The following ATXN1 variants were observed in gnomAD, a reference collection of about 807,000 sequenced individuals.
The protein encoded by ATXN1 is ataxin-1.
Under a neutral mutation model 56.4 loss-of-function variants are expected in ATXN1, and 8 were observed. That is an observed-to-expected ratio of 0.14 (90% CI 0.08 to 0.26). The LOEUF (loss-of-function observed/expected upper bound fraction) is 0.26. Among genes scored for constraint, ATXN1 ranks in the 10% least tolerant of loss-of-function variants. The pLI is 1.00. For missense variants in ATXN1, 987 were observed against 1,106.5 expected (o/e 0.89, Z 1.53); for synonymous variants, 514 against 494.6 (o/e 1.04, Z -0.52).
chr6:16,489,191 C>G (rs1760609019), intron 5 of ATXN1, among the ~76,000 whole-genome samples: 1 of 152,208 alleles, frequency 6.6e-6, no homozygotes, highest in African/African-American at 2.4e-5. Context: ...TTGCCATGCC[C>G]TTCTTTTGCA....
intron 6 of ATXN1, among the ~76,000 whole-genome samples, chr6:16,453,378 T>C (rs1759794587): frequency 6.6e-6 from 1 of 152,102 alleles, no homozygotes; most frequent in Non-Finnish European, 1.5e-5. Context: ...GGAGAATCGC[T>C]TGAACCCGGG....
At chr6:16,717,962 T>G (rs1759671962) in intron 2 of ATXN1, among the ~76,000 whole-genome samples, 1 of 152,248 alleles carries the variant, frequency 6.6e-6, no homozygotes, top group Non-Finnish European at 1.5e-5. Flanking sequence ...TTCTGTTTGC[T>G]TCCCTATACA....
intron 3 of ATXN1, among the ~76,000 whole-genome samples, chr6:16,629,389 G>A (rs1329114967): frequency 2.0e-5 from 3 of 152,118 alleles, no homozygotes; most frequent in African/African-American, 7.2e-5. Flanking sequence ...GCATAGTGGT[G>A]CAATCTCGGC....
At chr6:16,538,113 T>C (rs1331964414) in intron 4 of ATXN1, among the ~76,000 whole-genome samples, 1 of 152,152 alleles carries the variant, frequency 6.6e-6, no homozygotes, top group Non-Finnish European at 1.5e-5. Context: ...GCACAAGAAA[T>C]ATGTCCACTG....
chr6:16,757,841 C>G (rs1160679988), intron 1 of ATXN1, among the ~76,000 whole-genome samples: 1 of 133,184 alleles, frequency 7.5e-6, no homozygotes, highest in Non-Finnish European at 1.6e-5. Context: ...TCCTTTTTTC[C>G]TTTTTGCCAT....
intron 3 of ATXN1, among the ~76,000 whole-genome samples, chr6:16,634,957 T>C (rs145343939): frequency 3.3e-5 from 5 of 152,250 alleles, no homozygotes; most frequent in African/African-American, 1.2e-4. Flanking sequence ...CAGTTGATTA[T>C]TAAGCTCTAG....
intron 5 of ATXN1, among the ~76,000 whole-genome samples, chr6:16,509,697 C>T (rs986361771): frequency 6.6e-6 from 1 of 152,176 alleles, no homozygotes; most frequent in African/African-American, 2.4e-5. Flanking sequence ...CATATACATG[C>T]CAGATGAATC....
At chr6:16,337,715 C>A (rs1285149784) in intron 6 of ATXN1, among the ~76,000 whole-genome samples, 1 of 152,230 alleles carries the variant, frequency 6.6e-6, no homozygotes, top group Non-Finnish European at 1.5e-5. Flanking sequence ...TTCTGTTTAT[C>A]CACCACTCTG....
chr6:16,487,255 T>G (rs1581795012), intron 5 of ATXN1, among the ~76,000 whole-genome samples: 1 of 144,242 alleles, frequency 6.9e-6, no homozygotes, highest in African/African-American at 2.6e-5. Context: ...ATGTTTTTCC[T>G]TTCAAATCAT....
At chr6:16,409,136 T>C (rs1267214147) in intron 6 of ATXN1, among the ~76,000 whole-genome samples, 1 of 152,200 alleles carries the variant, frequency 6.6e-6, no homozygotes, top group Non-Finnish European at 1.5e-5. Flanking sequence ...AGGATCGATA[T>C]TTCCTGCTAA....
At chr6:16,541,602 C>T (rs918533442) in intron 4 of ATXN1, among the ~76,000 whole-genome samples, 10 of 152,158 alleles carry the variant, frequency 6.6e-5, no homozygotes, top group African/African-American at 2.4e-4. Context: ...GGGATTCTTC[C>T]AGGCGGCAGA....
rs1318045162 is a variant in ATXN1 at position 16,327,814 on chromosome 6, G to A, written c.497C>T (p.Thr166Ile). 2 of 1,609,556 alleles carry A rather than the reference G, an allele frequency of 1.2e-6. No individual in the cohort carries two copies. Among genetic ancestry groups the A allele is most frequent in the East Asian group, 2.2e-5 (1 of 44,860 alleles). The change falls in exon 7 of 8, where the codon ACC (threonine) becomes ATC (isoleucine). Residue 166 changes from threonine to isoleucine, a missense_variant. Physicochemically the swap from Thr to Ile is moderately conservative, Grantham distance 89 (BLOSUM62 -1). This residue lies in a region of ATXN1 where 723 missense variants were observed against 791.7 expected (regional missense o/e 0.91). Coordinates refer to ENST00000436367, the MANE Select transcript of ATXN1 (RefSeq NM_001128164.2). ...CAGCTGGGAGCGCTGGGATGGAGTG[G>A]TGGCCCCTGCGGCCGAGGCCACTGC... ...TSAVASAAGA[T>I]TPSQRSQLEA...
intron 3 of ATXN1, among the ~76,000 whole-genome samples, chr6:16,587,853 C>G (rs138491275): frequency 0.029 from 4,337 of 151,772 alleles, 83 homozygotes; most frequent in Non-Finnish European, 0.04. Context: ...ATCGCTTGAA[C>G]CTGGGAGGCA....
chr6:16,414,225 A>G (rs1758858032), intron 6 of ATXN1, among the ~76,000 whole-genome samples: 1 of 152,094 alleles, frequency 6.6e-6, no homozygotes, highest in East Asian at 1.9e-4. Context: ...CCTATCTCTC[A>G]CTGTTCAGGG....
In ATXN1 at chr6:16,687,232, G is replaced by A. The variant is rs570898542; in HGVS notation, c.-614-29331C>T. On this transcript the variant is annotated intron_variant, in intron 2 of 7. Transcript: ENST00000436367. ...TCTTCCTCTCCAAAATTAAACTTTCGACTTTCGTGATGAGAAAATTTCCAC... is the reference window on the plus strand; with the variant it reads ...TCTTCCTCTCCAAAATTAAACTTTCAACTTTCGTGATGAGAAAATTTCCAC... Among the ~76,000 whole-genome samples, 25 of 152,154 alleles carry A rather than the reference G, an allele frequency of 1.6e-4. No homozygotes were observed. The South Asian group carries it at 4.4e-3, about 27-fold the overall frequency.
At chr6:16,721,940 A>G (rs920405858) in intron 2 of ATXN1, among the ~76,000 whole-genome samples, 4 of 152,196 alleles carry the variant, frequency 2.6e-5, no homozygotes, top group African/African-American at 9.7e-5. Flanking sequence ...GCTGTAATAC[A>G]GTTCCTGGGG....
chr6:16,616,366 C>G (rs1383949770), intron 3 of ATXN1, among the ~76,000 whole-genome samples: 1 of 151,118 alleles, frequency 6.6e-6, no homozygotes, highest in Admixed American at 6.6e-5. Context: ...ATGGTGAAAC[C>G]CTGTCTCTAC....
chr6:16,435,110 T>C (rs532910237), intron 6 of ATXN1, among the ~76,000 whole-genome samples: 10 of 152,292 alleles, frequency 6.6e-5, no homozygotes, highest in Admixed American at 2.6e-4. Flanking sequence ...CTTGGGTAAC[T>C]AGATGATGCC....
intron 6 of ATXN1, among the ~76,000 whole-genome samples, chr6:16,393,443 C>T (rs1243601354): frequency 6.6e-6 from 1 of 152,022 alleles, no homozygotes; most frequent in African/African-American, 2.4e-5. Context: ...CTTTTTTGCC[C>T]AGGCCGGTCT....
Sources: gnomAD v4.1 joint callset for allele counts (sites outside exome capture counted in the v4.1 genomes callset) on GRCh38, gnomAD v4.1.1 for gene constraint, gnomAD v4.1.1 regional missense constraint, MANE v1.5 for transcripts, NCBI Gene and HGNC (gene_info 2026-07-23, HGNC 2026-07-21) for gene names.